FAT1: variants seen among roughly 807,000 people sequenced by gnomAD.
FAT1 encodes FAT atypical cadherin 1.
In FAT1, 171 loss-of-function variants were observed where a neutral mutation model predicts 329.8. That is an observed-to-expected ratio of 0.52 (90% CI 0.46 to 0.59). The LOEUF (loss-of-function observed/expected upper bound fraction) is 0.59. Ranked by LOEUF, FAT1 falls within the 20% of genes least tolerant of loss-of-function variation. The pLI, the probability that FAT1 is intolerant of heterozygous loss-of-function variation, is 0.00. For synonymous variants in FAT1, 2,233 were observed against 2,228.6 expected (o/e 1.00, Z -0.06); for missense variants, 5,672 against 5,774.4 (o/e 0.98, Z 0.57).
rs2126384187 is a variant in FAT1 at position 186,596,127 on chromosome 4, G to A, written c.13001-301C>T. On this transcript the variant is annotated intron_variant, in intron 25 of 26. Transcript: ENST00000441802. This position sits in a 1 kb window ranked among gnomAD's most constrained non-coding sequence, Gnocchi z 4.7. ...ATTTTGTTTTAAAATAGTATGTACAGCTTTAAAAGAAAAAAGCATCAAATA... is the reference window on the plus strand; with the variant it reads ...ATTTTGTTTTAAAATAGTATGTACAACTTTAAAAGAAAAAAGCATCAAATA... 6.7e-6 allele frequency among the ~76,000 whole-genome samples: 1 copy of A among 149,958 alleles called. No homozygotes were observed. The highest frequency in any genetic ancestry group is 6.6e-5 in the Admixed American group (1 of 15,230).
intron 26 of FAT1, among the ~76,000 whole-genome samples, chr4:186,591,122 G>A (rs897977877): frequency 6.6e-6 from 1 of 152,202 alleles, no homozygotes; most frequent in Non-Finnish European, 1.5e-5. Flanking sequence ...CCAGGCCCTG[G>A]CTAACCTTCA....
intron 2 of FAT1, among the ~76,000 whole-genome samples, chr4:186,667,996 GCCAC>G (rs1742534511): frequency 6.6e-6 from 1 of 152,132 alleles, no homozygotes; most frequent in Non-Finnish European, 1.5e-5. Flanking sequence ...ATGAGGAAAG[GCCAC>G]AAGGAGTTTC....
chr4:186,691,018 C>G (rs1044670044), intron 2 of FAT1, among the ~76,000 whole-genome samples: 1 of 152,058 alleles, frequency 6.6e-6, no homozygotes, highest in Non-Finnish European at 1.5e-5. Flanking sequence ...AAAGACAGTA[C>G]TATTGGGCAG....
chr4:186,606,918 A>G (rs967533417), intron 16 of FAT1, among the ~76,000 whole-genome samples: 2 of 152,242 alleles, frequency 1.3e-5, no homozygotes, highest in Non-Finnish European at 2.9e-5. Flanking sequence ...CCAATGAAAA[A>G]GAATTCTGCT....
chr4:186,600,353 T>G lies in FAT1; in HGVS notation c.11648A>C (p.His3883Pro). The G allele has an allele frequency of 2.5e-6, 4 of 1,610,118 alleles. No homozygotes were observed. The highest frequency in any genetic ancestry group is 3.4e-6 in the Non-Finnish European group (4 of 1,177,832). ...GTCAAACTTGTACTGCAGCCTTCCA[T>G]GATGAATCTAGGATAAAAGCAATGA... is the stretch of plus-strand genomic sequence containing the variant. Reference protein sequence around the residue: ...GTDYSILEIHHGRLQYKFDCG... With the variant: ...GTDYSILEIHPGRLQYKFDCG... The change falls in exon 22 of 27, where the codon CAT becomes CCT. Residue 3883 changes from histidine (H) to proline (P), a missense_variant. Coordinates refer to ENST00000441802, the MANE Select transcript of FAT1 (RefSeq NM_005245.4).
At chr4:186,713,585 A>G (rs1394042099) in intron 1 of FAT1, among the ~76,000 whole-genome samples, 1 of 152,148 alleles carries the variant, frequency 6.6e-6, no homozygotes, top group Non-Finnish European at 1.5e-5. Flanking sequence ...TAAGAGACAG[A>G]GAGTTTCGCT....
At chr4:186,669,143 C>A (rs77367573) in intron 2 of FAT1, among the ~76,000 whole-genome samples, 1 of 152,178 alleles carries the variant, frequency 6.6e-6, no homozygotes, top group Non-Finnish European at 1.5e-5. Flanking sequence ...CTCCCCTCTG[C>A]GCTCCCCTCC....
intron 3 of FAT1, among the ~76,000 whole-genome samples, chr4:186,642,720 G>A (rs1052106119): frequency 3.3e-5 from 5 of 152,204 alleles, no homozygotes; most frequent in African/African-American, 7.2e-5. Flanking sequence ...ACAGACCCGA[G>A]GCGCAGGGAA....
rs2126684251 is a variant in FAT1, at chr4:186,706,946, T to C, written c.2882A>G (p.Gln961Arg). ...GTGGTCCAGAAGGCTGTATCTCACC[T>C]GACCAGACTGACCTAAATCAGGATC... ...AHDPDLGQSG[Q>R]VRYSLLDHGE... The change falls in exon 2 of 27, where the codon CAG becomes CGG. Residue 961 changes from glutamine to arginine, a missense_variant. Physicochemically the swap from Gln to Arg is conservative, Grantham distance 43. This residue lies in a region of FAT1 where 3,966 missense variants were observed against 3,915.2 expected (regional missense o/e 1.01). Transcript: ENST00000441802. The C allele has an allele frequency of 6.2e-7, 1 of 1,614,056 alleles. No homozygotes were observed. Among genetic ancestry groups the C allele is most frequent in the South Asian group, 1.1e-5 (1 of 91,086 alleles).
chr4:186,703,201 C>T (rs559783166), intron 2 of FAT1, among the ~76,000 whole-genome samples: 32 of 152,288 alleles, frequency 2.1e-4, no homozygotes, highest in Admixed American at 1.1e-3. Flanking sequence ...TCTGCCACTA[C>T]GCTTTCTCTC....
In FAT1 at chr4:186,620,656, A is replaced by G; in HGVS notation, c.5930T>C (p.Leu1977Pro). The G allele has an allele frequency of 1.2e-6, 2 of 1,614,024 alleles. No individual in the cohort carries two copies. Among genetic ancestry groups the G allele is most frequent in the Non-Finnish European group, 1.7e-6 (2 of 1,179,892 alleles). Residue 1977 changes from leucine (L) to proline (P), a missense_variant, in exon 10 of 27, where the codon CTA (leucine) becomes CCA (proline). By Grantham distance (98) the Leu-to-Pro change is moderately conservative. Transcript: ENST00000441802. ...AGAGTAGACATCCTGGGTAAACTTT[A>G]GGTGACTTTCTTTGCTTTCTTTCAC... Reference protein sequence around the residue: ...INVKESKESHLKFTQDVYSAV... With the variant: ...INVKESKESHPKFTQDVYSAV...
chr4:186,716,402 G>A (rs1238688393), intron 1 of FAT1, among the ~76,000 whole-genome samples: 1 of 152,060 alleles, frequency 6.6e-6, no homozygotes, highest in Admixed American at 6.5e-5. Flanking sequence ...CATTTTTAAA[G>A]TATTTTTAAG....
At chr4:186,711,222 G>GA (rs989696775) in intron 1 of FAT1, among the ~76,000 whole-genome samples, 5 of 151,938 alleles carry the variant, frequency 3.3e-5, no homozygotes, top group African/African-American at 9.7e-5. Context: ...GCCTTAGGGG[G>GA]AAAAAAAGAC....
chr4:186,604,762 T>G (rs1357814650), intron 17 of FAT1, among the ~76,000 whole-genome samples, 188 bp from the exon 18 acceptor site: 2 of 143,944 alleles, frequency 1.4e-5, no homozygotes, highest in Admixed American at 7.2e-5. Flanking sequence ...GGAGAAGGGG[T>G]GTAGCGAAAA....
chr4:186,657,674 A>G (rs1277629066), intron 3 of FAT1, among the ~76,000 whole-genome samples: 1 of 152,230 alleles, frequency 6.6e-6, no homozygotes, highest in East Asian at 1.9e-4. Flanking sequence ...TTTTAAAAAT[A>G]AAGATCAATA....
At chr4:186,632,586 A>C (rs887293158) in intron 7 of FAT1, among the ~76,000 whole-genome samples, 2 of 152,206 alleles carry the variant, frequency 1.3e-5, no homozygotes, top group African/African-American at 4.8e-5. Flanking sequence ...AGACAATCTC[A>C]AAATGACCCC....
rs1298258217 is a variant in FAT1, at chr4:186,620,974, T to C, written c.5612A>G (p.Asp1871Gly). 1 of 1,613,612 alleles carries C rather than the reference T, an allele frequency of 6.2e-7. No individual in the cohort carries two copies. The highest frequency in any genetic ancestry group is 1.1e-5 in the South Asian group (1 of 91,084). ...AAACACAGGGGGGCAGTCATTAATG[T>C]CAATTACATGTACTGTTACATTCGC... ...YAANVTVHVI[D>G]INDCPPVFAK... is the part of the protein sequence containing the mutation. Residue 1871 changes from aspartate to glycine, a missense_variant, in exon 10 of 27, where the codon GAC (aspartate) becomes GGC (glycine). By Grantham distance (94) the Asp-to-Gly change is moderately conservative (BLOSUM62 -1). Transcript: ENST00000441802.
Position 186,708,366 on chromosome 4 carries a change from C to T in FAT1, c.1462G>A (p.Val488Ile), listed in dbSNP as rs566182064. The change falls in exon 2 of 27, where the codon GTA (valine) becomes ATA (isoleucine). Residue 488 changes from valine to isoleucine, a missense_variant. Around this residue, in one of 2 missense-constraint regions of FAT1, gnomAD observed 3,966 missense variants for 3,915.2 expected, o/e 1.01. Transcript: ENST00000441802. ...CCGTTCTCACCCTCATCAGGGTCTA[C>T]GGCACTCAGGCTCATGACAGTAGTA... ...IGTTVMSLSA[V>I]DPDEGENGYV... 1.2e-5 allele frequency: 19 copies of T among 1,613,882 alleles called. No homozygotes were observed. The highest frequency in any genetic ancestry group is 2.7e-5 in the African/African-American group (2 of 75,014).
At chr4:186,710,457 T>C (rs184044106) in intron 1 of FAT1, among the ~76,000 whole-genome samples, 5 of 152,354 alleles carry the variant, frequency 3.3e-5, no homozygotes, top group Admixed American at 2.6e-4. Context: ...TAAGGGTTTA[T>C]TGTCTCATTT....
Sources: gnomAD v4.1 joint callset for allele counts (sites outside exome capture counted in the v4.1 genomes callset) on GRCh38, gnomAD v4.1.1 for gene constraint, gnomAD v4.1.1 regional missense constraint, Gnocchi (gnomAD v3.1) non-coding constraint, MANE v1.5 for transcripts, NCBI Gene and HGNC (gene_info 2026-07-23, HGNC 2026-07-21) for gene names.